The following ANGPT1 variants were observed in gnomAD, a reference collection of about 807,000 sequenced individuals.
The protein encoded by ANGPT1 is angiopoietin-1.
ANGPT1 carries 17 observed loss-of-function variants against 62.2 expected under a neutral mutation model. The observed-to-expected ratio is 0.27, with a 90% CI of 0.19 to 0.41. ANGPT1 has a LOEUF of 0.41. Ranked by LOEUF, ANGPT1 falls within the 10% of genes least tolerant of loss-of-function variation. The probability of loss-of-function intolerance (pLI) is 1.00; values close to 1 mark genes in which losing one functional copy is unlikely to be tolerated. For synonymous variants in ANGPT1, 199 were observed against 198.9 expected, an observed-to-expected ratio of 1.00 and a Z score of 0.00; for missense variants, 478 against 594.9, an observed-to-expected ratio of 0.80 and a Z score of 2.04.
chr8:107,374,302 G>T (rs1816482510), intron 1 of ANGPT1, among the ~76,000 whole-genome samples: 1 of 152,012 alleles, frequency 6.6e-6, no homozygotes, highest in African/African-American at 2.4e-5. Context: ...ATCTTTATCA[G>T]GAAATTATTA....
rs754045466 is a variant in ANGPT1 at position 107,494,002 on chromosome 8, G to A, written c.297+3260C>T. 2.0e-4 allele frequency among the ~76,000 whole-genome samples: 30 copies of A among 150,282 alleles called. 2 individuals are homozygous for A. Among genetic ancestry groups the A allele is most frequent in the Admixed American group, 6.0e-4 (9 of 15,020 alleles). On this transcript the variant is annotated intron_variant, in intron 1 of 8. Transcript: ENST00000517746. ...TTGTATTTCTTAAAATATTCTGGAT[G>A]GCAATTCATAACTATATTTTCCATT... is the stretch of plus-strand genomic sequence containing the variant.
chr8:107,368,215 T>C lies in ANGPT1; in HGVS notation c.298-21118A>G, dbSNP rs985826003. Among the ~76,000 whole-genome samples the C allele has an allele frequency of 5.3e-5, 8 of 152,208 alleles. 1 individual carries two copies. The highest frequency in any genetic ancestry group is 5.2e-4 in the Admixed American group (8 of 15,268). ...TATAAAAACAATATTAATATTCTTG[T>C]GCATCTCCATCAGAGCTCCTGGGTC... On this transcript the variant is annotated intron_variant, in intron 1 of 8. Coordinates refer to ENST00000517746, the MANE Select transcript of ANGPT1 (RefSeq NM_001146.5).
intron 1 of ANGPT1, among the ~76,000 whole-genome samples, chr8:107,382,442 A>G (rs1395909735): frequency 6.6e-6 from 1 of 152,176 alleles, no homozygotes; most frequent in Non-Finnish European, 1.5e-5. Context: ...GTCGGGCACT[A>G]TAGCAAATTC....
chr8:107,424,210 C>A (rs1247191418), intron 1 of ANGPT1, among the ~76,000 whole-genome samples: 1 of 151,654 alleles, frequency 6.6e-6, no homozygotes, highest in African/African-American at 2.4e-5. Flanking sequence ...TGGCTATGTA[C>A]AATCTTAGTT....
At chr8:107,271,628 T>G (rs1034125711) in intron 7 of ANGPT1, among the ~76,000 whole-genome samples, 4 of 151,912 alleles carry the variant, frequency 2.6e-5, no homozygotes, top group African/African-American at 9.7e-5. Flanking sequence ...CTTTGGAAGT[T>G]TTTCTTATTT....
chr8:107,410,728 G>A (rs987458473), intron 1 of ANGPT1, among the ~76,000 whole-genome samples: 5 of 152,098 alleles, frequency 3.3e-5, no homozygotes, highest in Admixed American at 3.3e-4. Context: ...GGACAATGTG[G>A]TAGTTTCTCC....
chr8:107,300,347 C>G (rs1184073528), intron 5 of ANGPT1, among the ~76,000 whole-genome samples: 1 of 151,348 alleles, frequency 6.6e-6, no homozygotes, highest in Non-Finnish European at 1.5e-5. Context: ...AAATTTTTTA[C>G]CTGCAAAAAT....
intron 3 of ANGPT1, among the ~76,000 whole-genome samples, chr8:107,326,465 T>C (rs1251927458): frequency 6.6e-6 from 1 of 152,142 alleles, no homozygotes; most frequent in Admixed American, 6.5e-5. Flanking sequence ...GACTGATCTC[T>C]TCTTGACCCT....
chr8:107,260,538 C>T (rs996577896), intron 8 of ANGPT1, among the ~76,000 whole-genome samples: 1 of 151,862 alleles, frequency 6.6e-6, no homozygotes, highest in Non-Finnish European at 1.5e-5. Context: ...GAAATTTTGA[C>T]AGAGAATAAG....
At chr8:107,274,824 A>G (rs1417934786) in intron 7 of ANGPT1, among the ~76,000 whole-genome samples, 6 of 152,248 alleles carry the variant, frequency 3.9e-5, no homozygotes, top group African/African-American at 1.4e-4. Context: ...TTATATACCT[A>G]TTAAGAAATG....
At chr8:107,339,593 T>G (rs1465634863) in intron 2 of ANGPT1, among the ~76,000 whole-genome samples, 2 of 152,150 alleles carry the variant, frequency 1.3e-5, no homozygotes, top group Non-Finnish European at 2.9e-5. Flanking sequence ...CTTTACAGAA[T>G]TATCACTATT....
chr8:107,458,856 C>A (rs900522589), intron 1 of ANGPT1, among the ~76,000 whole-genome samples: 1 of 152,090 alleles, frequency 6.6e-6, no homozygotes, highest in Non-Finnish European at 1.5e-5. Flanking sequence ...CAAATAAATT[C>A]TATTATTCCT....
chr8:107,323,576 T>C (rs1004331332), intron 3 of ANGPT1, among the ~76,000 whole-genome samples: 1 of 152,084 alleles, frequency 6.6e-6, no homozygotes, highest in Admixed American at 6.6e-5. Context: ...TTAAATGGCA[T>C]AAAAGACTGT....
At chr8:107,276,968 G>A (rs1020611500) in intron 7 of ANGPT1, among the ~76,000 whole-genome samples, 1 of 152,082 alleles carries the variant, frequency 6.6e-6, no homozygotes, top group Non-Finnish European at 1.5e-5. Context: ...GCTTATGATA[G>A]ACATCAACAG....
intron 3 of ANGPT1, among the ~76,000 whole-genome samples, chr8:107,326,055 A>G (rs1815280650): frequency 6.6e-6 from 1 of 152,174 alleles, no homozygotes; most frequent in African/African-American, 2.4e-5. Flanking sequence ...CGTTAGACAG[A>G]ACATTAATTT....
intron 2 of ANGPT1, among the ~76,000 whole-genome samples, chr8:107,338,654 C>A (rs1243517759): frequency 6.6e-6 from 1 of 152,194 alleles, no homozygotes; most frequent in Non-Finnish European, 1.5e-5. Flanking sequence ...TGTATTATTT[C>A]ATTTCAAAAC....
chr8:107,386,857 G>T (rs1014745171), intron 1 of ANGPT1, among the ~76,000 whole-genome samples: 3 of 151,976 alleles, frequency 2.0e-5, no homozygotes, highest in Admixed American at 1.3e-4. Context: ...AGACTACAGG[G>T]TATTCTCTTT....
intron 1 of ANGPT1, among the ~76,000 whole-genome samples, chr8:107,484,306 G>T (rs1381159787): frequency 6.6e-6 from 1 of 152,150 alleles, no homozygotes; most frequent in Admixed American, 6.5e-5. Flanking sequence ...TGTAAAGTGG[G>T]TTTGATAATA....
At chr8:107,288,965 T>C (rs1814209105) in intron 6 of ANGPT1, among the ~76,000 whole-genome samples, 1 of 152,190 alleles carries the variant, frequency 6.6e-6, no homozygotes, top group East Asian at 1.9e-4. Context: ...TATGAAATTC[T>C]GTGCTGATAT....
Sources: allele counts gnomAD v4.1 joint callset (sites outside exome capture counted in the v4.1 genomes callset), GRCh38; gene constraint gnomAD v4.1.1; transcripts MANE v1.5; gene names NCBI Gene and HGNC (gene_info 2026-07-23, HGNC 2026-07-21).